The following STS variants were observed in gnomAD, a reference collection of about 807,000 sequenced individuals.
STS encodes steroid sulfatase, also known as steryl-sulfatase.
In STS, 7 loss-of-function variants were observed where a neutral mutation model predicts 26.8. The observed-to-expected ratio is 0.26, with a 90% CI of 0.15 to 0.49. The LOEUF (loss-of-function observed/expected upper bound fraction) is 0.49, where lower values mean the gene tolerates loss of function less well. Among genes scored for constraint, STS ranks in the 20% least tolerant of loss-of-function variants. The pLI, the probability that STS is intolerant of heterozygous loss-of-function variation, is 0.98. For synonymous variants in STS, 199 were observed against 189.4 expected, an observed-to-expected ratio of 1.05 and a Z score of -0.42; for missense variants, 434 against 465.6, an observed-to-expected ratio of 0.93 and a Z score of 0.63.
chrX:7,319,662 A>G (rs1196952222), intron 8 of STS, among the ~76,000 whole-genome samples: 1 of 109,534 alleles, frequency 9.1e-6, no homozygotes, highest in African/African-American at 3.3e-5. Context: ...TACTGTTCAC[A>G]TGTATCTTTC....
At chrX:7,309,664 C>A (rs1389739445) in intron 8 of STS, among the ~76,000 whole-genome samples, 2 of 111,172 alleles carry the variant, frequency 1.8e-5, no homozygotes, top group African/African-American at 6.5e-5. Context: ...CCATTAAATT[C>A]AATAGGTTAT....
chrX:7,285,242 A>T (rs751521036), intron 7 of STS, among the ~76,000 whole-genome samples: 1 of 111,681 alleles, frequency 9.0e-6, no homozygotes, highest in Non-Finnish European at 1.9e-5. Context: ...TGTCTTACAT[A>T]CTATGCTATT....
At chrX:7,338,896 TAAATA>T (rs1190303046) in intron 10 of STS, among the ~76,000 whole-genome samples, 13 of 111,075 alleles carry the variant, frequency 1.2e-4, no homozygotes, top group African/African-American at 3.9e-4. Context: ...AGTAAATAAT[TAAATA>T]AAATTACAGC....
intron 7 of STS, among the ~76,000 whole-genome samples, chrX:7,303,147 T>C (rs1219574207): frequency 5.4e-5 from 6 of 111,063 alleles, no homozygotes; most frequent in Non-Finnish European, 3.8e-5. Context: ...TTTTCCCCCA[T>C]ACTGTTCTCA....
intron 2 of STS, among the ~76,000 whole-genome samples, chrX:7,232,374 C>A (rs1451171297): frequency 9.0e-6 from 1 of 111,717 alleles, no homozygotes; most frequent in Admixed American, 9.5e-5. Context: ...AGGACTTTAT[C>A]CCCTTTATTT....
chrX:7,164,104 G>T (rs1418890460), intron 1 of STS, among the ~76,000 whole-genome samples: 1 of 111,819 alleles, frequency 8.9e-6, no homozygotes, highest in Non-Finnish European at 1.9e-5. Context: ...GATTACAGGC[G>T]TCAGCTACTG....
At chrX:7,287,592 T>G (rs1925198063) in intron 7 of STS, among the ~76,000 whole-genome samples, 1 of 111,668 alleles carries the variant, frequency 9.0e-6, no homozygotes, top group Non-Finnish European at 1.9e-5. Context: ...TCGATTTTCA[T>G]TTTACCTTTC....
chrX:7,165,917 C>T (rs1174636744), intron 1 of STS, among the ~76,000 whole-genome samples: 2 of 111,320 alleles, frequency 1.8e-5, no homozygotes, highest in African/African-American at 3.3e-5. Flanking sequence ...AGGCTAGTGC[C>T]GTAGTCTACA....
At position 7,351,372 on chromosome X, in the gene STS, A is replaced by G. The variant is rs762232727; in HGVS notation, c.*1111A>G. The G allele has an allele frequency of 8.9e-6, 1 of 111,962 alleles. No homozygotes were observed. The highest frequency in any genetic ancestry group is 3.7e-4 in the South Asian group (1 of 2,679). 9.2% of individuals were successfully genotyped at this position (111,962 alleles called of 1,213,427 possible). The stretch of plus-strand genomic sequence containing the variant: ...TGACTGAGAAATTTCTGTGCTTCCA[A>G]TCCACAATGAGATGCATGATTTTGT... On this transcript the variant is annotated 3_prime_UTR_variant, in exon 11 of 11. Transcript: ENST00000674429.
chrX:7,282,055 C>T (rs1429421732), intron 7 of STS, among the ~76,000 whole-genome samples: 7 of 112,707 alleles, frequency 6.2e-5, no homozygotes, highest in Admixed American at 1.9e-4. Flanking sequence ...TATTAACCTG[C>T]ACACAGGGAG....
In STS at chrX:7,350,031, G is replaced by C. The variant is rs1928723392; in HGVS notation, c.1507G>C (p.Asp503His). The C allele has an allele frequency of 9.1e-6, 11 of 1,211,610 alleles. No individual in the cohort carries two copies. The highest frequency in any genetic ancestry group is 1.2e-5 in the Non-Finnish European group (11 of 895,438). The change falls in exon 11 of 11, where the codon GAT (aspartate) becomes CAT (histidine). Residue 503 changes from aspartate (D) to histidine (H), a missense_variant. Coordinates refer to ENST00000674429, the MANE Select transcript of STS (RefSeq NM_001320752.2). ...DPPLLFDISK[D>H]PRERNPLTPA... ...ACCTTTACTCTTTGATATTTCCAAA[G>C]ATCCCAGAGAGAGAAACCCACTAAC...
In STS at chrX:7,354,449, A is replaced by G. The variant is rs1928927501; in HGVS notation, c.*4188A>G. ...AAAATTTTTTTCTTTGACATCATTC[A>G]TGACAACATGAAACCTATTGGGACA... On this transcript the variant is annotated 3_prime_UTR_variant, in exon 11 of 11. Coordinates refer to ENST00000674429, the MANE Select transcript of STS (RefSeq NM_001320752.2). 1 of 111,599 alleles carries G rather than the reference A, an allele frequency of 9.0e-6. No individual in the cohort carries two copies. The highest frequency in any genetic ancestry group is 1.9e-5 in the Non-Finnish European group (1 of 53,148). 9.2% of individuals were successfully genotyped at this position (111,599 alleles called of 1,213,427 possible).
chrX:7,270,463 G>T (rs1924212856), intron 6 of STS, among the ~76,000 whole-genome samples: 2 of 111,893 alleles, frequency 1.8e-5, no homozygotes, highest in South Asian at 7.5e-4. Flanking sequence ...TGTCTGTCTA[G>T]CCAACATTCC....
chrX:7,326,287 A>G (rs1369319991), intron 9 of STS, among the ~76,000 whole-genome samples: 1 of 111,816 alleles, frequency 8.9e-6, no homozygotes, highest in Non-Finnish European at 1.9e-5. Context: ...CTCTTTATCC[A>G]GAGGGAAATA....
intron 2 of STS, among the ~76,000 whole-genome samples, chrX:7,217,171 A>G (rs1381119688): frequency 2.7e-5 from 3 of 111,482 alleles, no homozygotes; most frequent in Non-Finnish European, 5.7e-5. Context: ...AGGTGACCAC[A>G]CATCCCCTGG....
intron 1 of STS, among the ~76,000 whole-genome samples, chrX:7,180,854 T>A (rs1435918421): frequency 8.9e-6 from 1 of 112,270 alleles, no homozygotes; most frequent in Non-Finnish European, 1.9e-5. Flanking sequence ...AATCACTTTT[T>A]TAAAATCCAC....
rs1441614023 is a variant in STS at position 7,231,649 on chromosome X, T to C, written c.-4-21547T>C. Among the ~76,000 whole-genome samples, 5 of 110,883 alleles carry C rather than the reference T, an allele frequency of 4.5e-5. No individual in the cohort carries two copies. The Admixed American group carries it at 4.8e-4, about 11-fold the overall frequency. On this transcript the variant is annotated intron_variant, in intron 2 of 10. Coordinates refer to ENST00000674429, the MANE Select transcript of STS (RefSeq NM_001320752.2). ...CTCCAGACCCTTGGCTGATAGAAAATTGCAAGTTATCTCACTGCAACCTTG... is the reference window on the plus strand; with the variant it reads ...CTCCAGACCCTTGGCTGATAGAAAACTGCAAGTTATCTCACTGCAACCTTG...
intron 1 of STS, among the ~76,000 whole-genome samples, chrX:7,174,450 T>C (rs1489679378): frequency 8.9e-6 from 1 of 111,783 alleles, no homozygotes; most frequent in African/African-American, 3.3e-5. Flanking sequence ...TCTGAAACTG[T>C]AATAACAGAC....
chrX:7,322,481 A>G (rs192530092), intron 8 of STS, among the ~76,000 whole-genome samples: 5 of 110,646 alleles, frequency 4.5e-5, no homozygotes, highest in Admixed American at 1.9e-4. Flanking sequence ...GCTCACTGCA[A>G]CCTCCACCTC....
Sources: allele counts gnomAD v4.1 joint callset (sites outside exome capture counted in the v4.1 genomes callset), GRCh38; gene constraint gnomAD v4.1.1; transcripts MANE v1.5; gene names NCBI Gene and HGNC (gene_info 2026-07-23, HGNC 2026-07-21).